The following KCNK10 variants were observed in gnomAD, a reference collection of about 807,000 sequenced individuals.
KCNK10 encodes potassium channel subfamily K member 10.
Under a neutral mutation model 47.7 loss-of-function variants are expected in KCNK10, and 25 were observed. The ratio of observed to expected loss-of-function variants is 0.52; its 90% confidence interval spans 0.38 to 0.73. The LOEUF is 0.73. Ranked by LOEUF, KCNK10 falls within the 30% of genes least tolerant of loss-of-function variation. KCNK10 has a pLI of 0.00. For synonymous variants in KCNK10, 303 were observed against 285.6 expected (o/e 1.06, Z -0.61); for missense variants, 563 against 714.5 (o/e 0.79, Z 2.42).
chr14:88,235,121 A>G (rs1230134983), intron 3 of KCNK10: 2 of 456,550 alleles, frequency 4.4e-6, no homozygotes, highest in Middle Eastern at 3.2e-4. Flanking sequence ...GACAGAAATA[A>G]TACAGAAGGA....
At chr14:88,240,672 G>A (rs1175986578) in intron 3 of KCNK10, 31 bp downstream of exon 3, 2 of 1,383,196 alleles carry the variant, frequency 1.4e-6, no homozygotes, top group Admixed American at 1.7e-5. Flanking sequence ...ATGACCTGCA[G>A]AGGAAGAGAT....
chr14:88,216,305 C>A (rs779083777), intron 4 of KCNK10, among the ~76,000 whole-genome samples: 2 of 152,138 alleles, frequency 1.3e-5, no homozygotes, highest in African/African-American at 4.8e-5. Context: ...CCAGGGCATG[C>A]ACCTGGTAGT....
At chr14:88,246,594 A>G (rs527316787) in intron 2 of KCNK10, among the ~76,000 whole-genome samples, 1 of 152,372 alleles carries the variant, frequency 6.6e-6, no homozygotes, top group East Asian at 1.9e-4. Flanking sequence ...TGAGTTCACA[A>G]TATTTCAAAC....
chr14:88,200,534 G>A (rs115796622), intron 4 of KCNK10, among the ~76,000 whole-genome samples: 2,778 of 152,220 alleles, frequency 0.018, 78 homozygotes, highest in African/African-American at 0.064. Flanking sequence ...GTTAGACTAG[G>A]AACGAGAAGT....
chr14:88,189,909 G>T (rs1884693677), intron 5 of KCNK10, among the ~76,000 whole-genome samples: 1 of 152,186 alleles, frequency 6.6e-6, no homozygotes, highest in South Asian at 2.1e-4. Flanking sequence ...GAAAACTGGA[G>T]CTTGGAAGGG....
chr14:88,319,722 A>G (rs1040617770), intron 1 of KCNK10, among the ~76,000 whole-genome samples: 2 of 151,770 alleles, frequency 1.3e-5, no homozygotes, highest in African/African-American at 4.8e-5. Context: ...CCTCGCAACA[A>G]GCTTCTCCAC....
intron 4 of KCNK10, among the ~76,000 whole-genome samples, chr14:88,219,457 T>G (rs1302970900): frequency 6.6e-6 from 1 of 152,208 alleles, no homozygotes; most frequent in African/African-American, 2.4e-5. Flanking sequence ...CTGCCTGGGT[T>G]GCAGCAGATC....
upstream of KCNK10, among the ~76,000 whole-genome samples, chr14:88,325,925 G>A (rs1888651064): frequency 6.6e-6 from 1 of 151,924 alleles, no homozygotes; most frequent in Non-Finnish European, 1.5e-5. Context: ...AATGGCAACA[G>A]CAGGATGGTT....
chr14:88,212,300 C>T (rs552719073), intron 4 of KCNK10, among the ~76,000 whole-genome samples: 1 of 151,830 alleles, frequency 6.6e-6, no homozygotes, highest in East Asian at 2.0e-4. Flanking sequence ...ATTAGCTGGG[C>T]ATGGTGACAC....
chr14:88,265,286 A>T (rs977801576), intron 1 of KCNK10, among the ~76,000 whole-genome samples: 19 of 152,054 alleles, frequency 1.2e-4, no homozygotes, highest in African/African-American at 4.1e-4. Flanking sequence ...ATCTTGGATT[A>T]TATGGTTGGG....
intron 4 of KCNK10, among the ~76,000 whole-genome samples, chr14:88,213,247 T>C (rs986106839): frequency 6.6e-6 from 1 of 152,118 alleles, no homozygotes; most frequent in Non-Finnish European, 1.5e-5. Context: ...GGTCATTGCT[T>C]GCTTGGCTCA....
chr14:88,223,437 T>C (rs991897002), intron 4 of KCNK10, among the ~76,000 whole-genome samples: 2 of 152,026 alleles, frequency 1.3e-5, no homozygotes, highest in African/African-American at 4.8e-5. Flanking sequence ...CTGTATGTTA[T>C]TTAGGGTGAC....
intron 4 of KCNK10, among the ~76,000 whole-genome samples, chr14:88,221,031 G>A (rs1369627841): frequency 6.6e-6 from 1 of 152,094 alleles, no homozygotes; most frequent in African/African-American, 2.4e-5. Flanking sequence ...GCCAGGCACA[G>A]TGGCTCATGC....
chr14:88,271,034 G>C (rs1017396888), intron 1 of KCNK10: 17 of 513,100 alleles, frequency 3.3e-5, no homozygotes, highest in African/African-American at 3.3e-4. Flanking sequence ...GCTCACACCT[G>C]TCCCAGAGAA....
At chr14:88,223,043 GACAA>G (rs559839373) in intron 4 of KCNK10, among the ~76,000 whole-genome samples, 114 of 152,260 alleles carry the variant, frequency 7.5e-4, no homozygotes, top group Middle Eastern at 6.8e-3. Context: ...TTAAAACTCT[GACAA>G]ACAGAGTCAG....
chr14:88,243,123 T>C (rs896079450), intron 2 of KCNK10, among the ~76,000 whole-genome samples: 5 of 152,226 alleles, frequency 3.3e-5, no homozygotes, highest in African/African-American at 1.2e-4. Context: ...AATTATGCAA[T>C]TCATAAATAT....
chr14:88,271,757 G>T (rs1308951843), intron 1 of KCNK10, among the ~76,000 whole-genome samples: 1 of 152,028 alleles, frequency 6.6e-6, no homozygotes, highest in Non-Finnish European at 1.5e-5. Context: ...GTGATTTGAG[G>T]ACCCAAAAGA....
intron 2 of KCNK10, among the ~76,000 whole-genome samples, chr14:88,252,796 C>A (rs1331984591): frequency 6.6e-6 from 1 of 152,182 alleles, no homozygotes; most frequent in Non-Finnish European, 1.5e-5. Flanking sequence ...CATGCAGGCT[C>A]TCTGTATGTC....
chr14:88,247,044 G>A (rs1033080375), intron 2 of KCNK10, among the ~76,000 whole-genome samples: 11 of 152,308 alleles, frequency 7.2e-5, no homozygotes, highest in South Asian at 2.1e-4. Context: ...ATGGTAAAGT[G>A]CTGTGTGTAC....
Sources: allele counts gnomAD v4.1 joint callset (sites outside exome capture counted in the v4.1 genomes callset), GRCh38; gene constraint gnomAD v4.1.1; transcripts MANE v1.5; gene names NCBI Gene and HGNC (gene_info 2026-07-23, HGNC 2026-07-21).